The following ZC3H12B variants were observed in gnomAD, a reference collection of about 807,000 sequenced individuals.
The protein encoded by ZC3H12B is probable ribonuclease ZC3H12B.
Under a neutral mutation model 43.9 loss-of-function variants are expected in ZC3H12B, and 7 were observed. That is an observed-to-expected ratio of 0.16 (90% confidence interval 0.09 to 0.30). ZC3H12B has a LOEUF of 0.30. Ranked by LOEUF, ZC3H12B falls within the 10% of genes least tolerant of loss-of-function variation. The pLI, the probability that ZC3H12B is intolerant of heterozygous loss-of-function variation, is 1.00. For synonymous variants in ZC3H12B, 222 were observed against 241.7 expected (o/e 0.92, Z 0.76); for missense variants, 475 against 670.2 (o/e 0.71, Z 3.22).
chrX:65,474,202 T>C (rs1468162092), intron 3 of ZC3H12B, among the ~76,000 whole-genome samples: 1 of 112,014 alleles, frequency 8.9e-6, no homozygotes, highest in Non-Finnish European at 1.9e-5. Flanking sequence ...GAATTGACCC[T>C]TTTATCATTA....
chrX:65,365,547 G>A (rs981554566), upstream of ZC3H12B, among the ~76,000 whole-genome samples: 6 of 110,740 alleles, frequency 5.4e-5, no homozygotes, highest in Non-Finnish European at 1.1e-4. Flanking sequence ...CCCGCTCAAA[G>A]TAGACCTGAA....
intron 3 of ZC3H12B, among the ~76,000 whole-genome samples, chrX:65,450,815 GTATA>G (rs1231668695): frequency 1.6e-5 from 1 of 63,992 alleles, no homozygotes; most frequent in Non-Finnish European, 2.7e-5. Context: ...GTGTATATAT[GTATA>G]TATATACATA....
intron 3 of ZC3H12B, among the ~76,000 whole-genome samples, chrX:65,482,375 C>T (rs749151043): frequency 9.0e-6 from 1 of 110,703 alleles, no homozygotes; most frequent in South Asian, 3.9e-4. Flanking sequence ...TAGAAGTGGG[C>T]GTGTTTTCTG....
the ZC3H12B span, among the ~76,000 whole-genome samples, chrX:65,158,658 G>T: frequency 9.0e-6 from 1 of 111,463 alleles, no homozygotes; most frequent in South Asian, 3.7e-4. Context: ...GTTCATTGTA[G>T]ATTCTGGATA....
the ZC3H12B span, among the ~76,000 whole-genome samples, chrX:65,291,265 T>C: frequency 2.7e-5 from 3 of 111,198 alleles, no homozygotes; most frequent in Non-Finnish European, 5.7e-5. Flanking sequence ...ATAGAAATAT[T>C]AAGAAATAAT....
At chrX:65,275,621 C>A in the ZC3H12B span, among the ~76,000 whole-genome samples, 2 of 112,686 alleles carry the variant, frequency 1.8e-5, no homozygotes, top group African/African-American at 6.5e-5. Context: ...ATTACAGAGG[C>A]CACACTACTG....
the ZC3H12B span, among the ~76,000 whole-genome samples, chrX:65,361,398 C>G: frequency 9.0e-6 from 1 of 111,711 alleles, no homozygotes; most frequent in Non-Finnish European, 1.9e-5. Context: ...TTTGGGCACT[C>G]AAATATCCAG....
chrX:65,263,846 A>G, the ZC3H12B span, among the ~76,000 whole-genome samples: 1 of 111,383 alleles, frequency 9.0e-6, no homozygotes, highest in East Asian at 2.8e-4. Context: ...ATATATCAAA[A>G]GGACACCTGC....
the ZC3H12B span, among the ~76,000 whole-genome samples, chrX:65,199,651 G>C: frequency 9.0e-6 from 1 of 110,935 alleles, no homozygotes; most frequent in African/African-American, 3.3e-5. Flanking sequence ...ATGTGTCCAT[G>C]TGTTCTCATC....
chrX:65,189,544 C>A, the ZC3H12B span, among the ~76,000 whole-genome samples: 3 of 108,743 alleles, frequency 2.8e-5, no homozygotes, highest in African/African-American at 1.0e-4. Flanking sequence ...TCTCTGATGA[C>A]CAGTGATGAT....
At chrX:65,258,281 A>G in the ZC3H12B span, among the ~76,000 whole-genome samples, 1 of 112,198 alleles carries the variant, frequency 8.9e-6, no homozygotes, top group African/African-American at 3.2e-5. Context: ...AACTCAGTAA[A>G]TGATTCATCA....
chrX:65,246,934 C>T, the ZC3H12B span, among the ~76,000 whole-genome samples: 1 of 112,398 alleles, frequency 8.9e-6, no homozygotes, highest in African/African-American at 3.2e-5. Flanking sequence ...AGAGCTTCTG[C>T]ACAGCAAAAT....
At chrX:65,410,054 A>G (rs971514406) in intron 3 of ZC3H12B, among the ~76,000 whole-genome samples, 6 of 107,757 alleles carry the variant, frequency 5.6e-5, no homozygotes, top group Non-Finnish European at 1.2e-4. Flanking sequence ...CCAAATTCAA[A>G]TTATATTACA....
the ZC3H12B span, among the ~76,000 whole-genome samples, chrX:65,064,730 T>C: frequency 1.2e-4 from 13 of 111,984 alleles, no homozygotes; most frequent in East Asian, 3.7e-3. Flanking sequence ...CTGTCTAATA[T>C]TGACAGTGCA....
the ZC3H12B span, among the ~76,000 whole-genome samples, chrX:65,292,673 G>C: frequency 9.2e-6 from 1 of 108,670 alleles, no homozygotes; most frequent in African/African-American, 3.4e-5. Context: ...GTTTACTATT[G>C]AGAATAACTG....
the ZC3H12B span, among the ~76,000 whole-genome samples, chrX:65,234,071 A>G: frequency 9.0e-6 from 1 of 111,369 alleles, no homozygotes; most frequent in African/African-American, 3.3e-5. Flanking sequence ...CAAACAAACA[A>G]ACAAAACTGC....
the ZC3H12B span, among the ~76,000 whole-genome samples, chrX:65,341,824 A>T: frequency 9.0e-6 from 1 of 111,326 alleles, no homozygotes; most frequent in Non-Finnish European, 1.9e-5. Context: ...GATAATAACC[A>T]ATGAACATCA....
At chrX:65,193,010 G>A in the ZC3H12B span, among the ~76,000 whole-genome samples, 1 of 110,629 alleles carries the variant, frequency 9.0e-6, no homozygotes, top group African/African-American at 3.3e-5. Context: ...TTGACCTCGT[G>A]ATCCACTCGC....
exon 5 of ZC3H12B, chrX:65,502,239 A>C: frequency 2.5e-6 from 3 of 1,211,511 alleles, no homozygotes; most frequent in Non-Finnish European, 3.4e-6. Context: ...GCCAGCATGC[A>C]GTATCCTCCC....
Sources: gnomAD v4.1 joint callset for allele counts (sites outside exome capture counted in the v4.1 genomes callset) on GRCh38, gnomAD v4.1.1 for gene constraint, MANE v1.5 for transcripts, NCBI Gene and HGNC (gene_info 2026-07-23, HGNC 2026-07-21) for gene names.